CNTNAP3B: variants seen among roughly 807,000 people sequenced by gnomAD.
The protein encoded by CNTNAP3B is contactin associated protein family member 3B.
Under a neutral mutation model 108.9 loss-of-function variants are expected in CNTNAP3B, and 25 were observed. The ratio of observed to expected loss-of-function variants is 0.23; its 90% confidence interval spans 0.17 to 0.32. CNTNAP3B has a LOEUF of 0.32. CNTNAP3B is among the 10% of genes least tolerant of loss of function. The probability of loss-of-function intolerance (pLI) is 1.00; values close to 1 mark genes in which losing one functional copy is unlikely to be tolerated. For missense variants in CNTNAP3B, 252 were observed against 1,210.4 expected, an observed-to-expected ratio of 0.21 and a Z score of 11.75; for synonymous variants, 103 against 473.4, an observed-to-expected ratio of 0.22 and a Z score of 10.16.
Position 41,997,598 on chromosome 9 carries a change from T to C in CNTNAP3B, c.897A>G (p.Gly299=). 1.2e-6 allele frequency: 2 copies of C among 1,611,478 alleles called. No individual in the cohort carries two copies. Among genetic ancestry groups the C allele is most frequent in the Non-Finnish European group, 1.7e-6 (2 of 1,179,328 alleles). ...DKHTHHFQAK[G]DSSNLDLNFE... Reference sequence around the variant, plus strand: ...AATTAAGATCCAAGTTACTGGAATCTCCCTTTGCTTGGAAATGATGAGTGT... The same window carrying C: ...AATTAAGATCCAAGTTACTGGAATCCCCCTTTGCTTGGAAATGATGAGTGT... The change falls in exon 6 of 24, where the codon GGA becomes GGG. Residue 299 remains glycine (G), a synonymous_variant. Transcript: ENST00000377561.
In CNTNAP3B at chr9:42,111,479, G is replaced by A. The variant is rs1346221511; in HGVS notation, c.86-6740C>T. Reference sequence around the variant, plus strand: ...TAGTCACGCTCCTAAGCTGGTAAACGGTATGCCTGAAGCTAAGGCATAGAC... The same window carrying A: ...TAGTCACGCTCCTAAGCTGGTAAACAGTATGCCTGAAGCTAAGGCATAGAC... On this transcript the variant is annotated intron_variant, in intron 1 of 23. Coordinates refer to ENST00000377561, the MANE Select transcript of CNTNAP3B (RefSeq NM_001201380.3). 8.7e-5 allele frequency among the ~76,000 whole-genome samples: 12 copies of A among 138,134 alleles called. 3 individuals carry two copies. Among genetic ancestry groups the A allele is most frequent in the African/African-American group, 2.3e-4 (8 of 34,662 alleles). 90.6% of individuals were successfully genotyped at this position (138,134 alleles called of 152,430 possible).
At chr9:41,919,427 A>G (rs1473121799) in intron 18 of CNTNAP3B, among the ~76,000 whole-genome samples, 2 of 152,134 alleles carry the variant, frequency 1.3e-5, no homozygotes, top group African/African-American at 2.4e-5. Flanking sequence ...TTCTTTTGAA[A>G]ACATGATTGT....
rs1341443893 is a variant in CNTNAP3B at position 41,997,608 on chromosome 9, T to G, written c.887A>C (p.Gln296Pro). ...CAAGTTACTGGAATCTCCCTTTGCT[T>G]GGAAATGATGAGTGTGTTTGTCCAC... ...FTVDKHTHHF[Q>P]AKGDSSNLDL... The change falls in exon 6 of 24, where the codon CAA becomes CCA. Residue 296 changes from glutamine to proline, a missense_variant. Transcript: ENST00000377561. 1.2e-6 allele frequency: 2 copies of G among 1,611,662 alleles called. No homozygotes were observed. Among genetic ancestry groups the G allele is most frequent in the Admixed American group, 3.3e-5 (2 of 59,720 alleles).
intron 2 of CNTNAP3B, among the ~76,000 whole-genome samples, chr9:42,081,410 T>C (rs1482974332): frequency 1.4e-5 from 2 of 143,250 alleles, no homozygotes; most frequent in African/African-American, 5.4e-5. Flanking sequence ...GTTTTGCCAC[T>C]TATTTTGTAA....
In CNTNAP3B at chr9:42,124,807, A is replaced by G. The variant is rs907570071; in HGVS notation, c.85+4203T>C. Among the ~76,000 whole-genome samples, 4 of 132,822 alleles carry G rather than the reference A, an allele frequency of 3.0e-5. 1 individual carries two copies. The Admixed American group carries it at 3.0e-4, about 10-fold the overall frequency. The allele number at this position is 132,822 out of a possible 152,430, so 87.1% of individuals were successfully genotyped here. A position where few individuals can be genotyped will look rare whatever the true frequency, so the allele number is the denominator to read the frequency against. On this transcript the variant is annotated intron_variant, in intron 1 of 23. Coordinates refer to ENST00000377561, the MANE Select transcript of CNTNAP3B (RefSeq NM_001201380.3). The stretch of plus-strand genomic sequence containing the variant: ...AGTGCCAATTACATCTTTGTCATTC[A>G]GAAATCCAGGCTAATTTGATTTAGA...
chr9:42,041,985 G>T (rs548833755), intron 3 of CNTNAP3B, among the ~76,000 whole-genome samples: 42 of 113,512 alleles, frequency 3.7e-4, no homozygotes, highest in Non-Finnish European at 4.4e-4. Context: ...CTATAGCAAG[G>T]ACAGAAAAGC....
rs1282271664 is a variant in CNTNAP3B at position 42,029,570 on chromosome 9, G to A, written c.391-16045C>T. Among the ~76,000 whole-genome samples, 41 of 113,738 alleles carry A rather than the reference G, an allele frequency of 3.6e-4. 3 individuals are homozygous for A. The East Asian group carries it at 9.9e-3, about 28-fold the overall frequency. The allele number at this position is 113,738 out of a possible 152,430, so 74.6% of individuals were successfully genotyped here. On this transcript the variant is annotated intron_variant, in intron 3 of 23. Transcript: ENST00000377561. Reference sequence around the variant, plus strand: ...TTTTCAGATGGAGTCTTGCTCTGTCGCCCAGGCTGGAGTGCAGTGGTGCAG... The same window carrying A: ...TTTTCAGATGGAGTCTTGCTCTGTCACCCAGGCTGGAGTGCAGTGGTGCAG...
chr9:41,989,636 C>T (rs1437989218), intron 8 of CNTNAP3B, among the ~76,000 whole-genome samples: 1 of 136,576 alleles, frequency 7.3e-6, no homozygotes. Context: ...TACACACTTT[C>T]ATTCACTTTT....
intron 10 of CNTNAP3B, among the ~76,000 whole-genome samples, chr9:41,967,367 C>A (rs200397265): frequency 6.6e-6 from 1 of 151,624 alleles, no homozygotes; most frequent in African/African-American, 2.4e-5. Flanking sequence ...GGTTCTCTTG[C>A]GTGCTGCCAT....
Position 42,128,154 on chromosome 9 carries a change from G to GA in CNTNAP3B, c.85+855dup, listed in dbSNP as rs1419276777. On this transcript the variant is annotated intron_variant, in intron 1 of 23. Transcript: ENST00000377561. ...CTCTGATAGAGATTTACTCCAAGCC[G>GA]AAAAAAAAATGTGCAATGTTGTGTA... Among the ~76,000 whole-genome samples the GA allele has an allele frequency of 1.5e-4, 20 of 134,738 alleles. 4 individuals carry two copies. The highest frequency in any genetic ancestry group is 4.8e-4 in the South Asian group (2 of 4,210). The allele number at this position is 134,738 out of a possible 152,430, so 88.4% of individuals were successfully genotyped here. A position where few individuals can be genotyped will look rare whatever the true frequency, so the allele number is the denominator to read the frequency against.
At chr9:42,024,907 C>T (rs1351164496) in intron 3 of CNTNAP3B, among the ~76,000 whole-genome samples, 2 of 143,594 alleles carry the variant, frequency 1.4e-5, no homozygotes, top group Non-Finnish European at 3.0e-5. Context: ...TTCAGCATCC[C>T]CTTTCTGAAT....
chr9:41,934,629 C>A (rs1316474704), intron 14 of CNTNAP3B, among the ~76,000 whole-genome samples: 5 of 152,294 alleles, frequency 3.3e-5, no homozygotes, highest in Non-Finnish European at 7.3e-5. Context: ...CCTAACAATG[C>A]TTTTCATCTT....
At chr9:42,047,450 A>T (rs1465722356) in intron 3 of CNTNAP3B, among the ~76,000 whole-genome samples, 18 of 123,894 alleles carry the variant, frequency 1.5e-4, no homozygotes, top group African/African-American at 5.6e-4. Flanking sequence ...AAATGGGAAG[A>T]TAAATTAAAA....
At chr9:41,970,900 A>G (rs1825416113) in intron 9 of CNTNAP3B, among the ~76,000 whole-genome samples, 1 of 148,942 alleles carries the variant, frequency 6.7e-6, no homozygotes, top group African/African-American at 2.5e-5. Context: ...GTTAACAACA[A>G]CACAAAAAGT....
chr9:41,923,499 C>T (rs1467589942), intron 16 of CNTNAP3B, among the ~76,000 whole-genome samples: 111 of 152,242 alleles, frequency 7.3e-4, no homozygotes, highest in Middle Eastern at 6.8e-3. Context: ...TGGCAGTTCA[C>T]ACCTGTAATC....
chr9:42,097,977 T>C (rs1827943768), intron 2 of CNTNAP3B, among the ~76,000 whole-genome samples: 1 of 137,612 alleles, frequency 7.3e-6, no homozygotes, highest in Non-Finnish European at 1.6e-5. Flanking sequence ...AAATGATGTA[T>C]TAGAATCATA....
intron 3 of CNTNAP3B, among the ~76,000 whole-genome samples, chr9:42,076,427 TAA>T (rs1186980537): frequency 2.9e-4 from 30 of 104,194 alleles, no homozygotes; most frequent in Non-Finnish European, 4.2e-4. Context: ...ACTCTGTCTC[TAA>T]AAAAAAAAAA....
At chr9:41,932,739 C>T (rs1588047697) in intron 14 of CNTNAP3B, among the ~76,000 whole-genome samples, 3 of 151,786 alleles carry the variant, frequency 2.0e-5, no homozygotes, top group South Asian at 2.1e-4. Context: ...AGGCTGGTCT[C>T]GAACTTCTGA....
chr9:41,934,116 TATATATACACACAC>T (rs1352287532), intron 14 of CNTNAP3B, among the ~76,000 whole-genome samples: 1,958 of 137,884 alleles, frequency 0.014, 47 homozygotes, highest in African/African-American at 0.053. Context: ...TATATATATA[TATATATACACACAC>T]ATATATATAT....
Sources: allele counts gnomAD v4.1 joint callset (sites outside exome capture counted in the v4.1 genomes callset), GRCh38; gene constraint gnomAD v4.1.1; transcripts MANE v1.5; gene names NCBI Gene and HGNC (gene_info 2026-07-23, HGNC 2026-07-21).